NF1: variants seen among roughly 807,000 people sequenced by gnomAD.
NF1 encodes the protein neurofibromin.
In NF1, 122 loss-of-function variants were observed where a neutral mutation model predicts 325.7. The ratio of observed to expected loss-of-function variants is 0.37; its 90% CI spans 0.32 to 0.44. The LOEUF is 0.44. Among genes scored for constraint, NF1 ranks in the 20% least tolerant of loss-of-function variants. The probability of loss-of-function intolerance (pLI) is 1.00; values close to 1 mark genes in which losing one functional copy is unlikely to be tolerated. For synonymous variants in NF1, 1,091 were observed against 1,186.0 expected, an observed-to-expected ratio of 0.92 and a Z score of 1.65; for missense variants, 2,140 against 3,415.4, an observed-to-expected ratio of 0.63 and a Z score of 9.31.
At chr17:31,247,278 A>G (rs1442113375) in intron 29 of NF1, among the ~76,000 whole-genome samples, 1 of 152,054 alleles carries the variant, frequency 6.6e-6, no homozygotes, top group Non-Finnish European at 1.5e-5. Flanking sequence ...AGATGGCCTG[A>G]ATGATGTGAT....
chr17:31,364,712 C>G (rs1050853952), intron 57 of NF1, among the ~76,000 whole-genome samples: 1 of 152,156 alleles, frequency 6.6e-6, no homozygotes, highest in Non-Finnish European at 1.5e-5. Context: ...ATAAAAGTAC[C>G]TAAATGGTTG....
At chr17:31,290,151 C>G (rs141450151) in intron 36 of NF1, among the ~76,000 whole-genome samples, 8 of 152,070 alleles carry the variant, frequency 5.3e-5, no homozygotes, top group Admixed American at 2.6e-4. Context: ...ATATTTTTAT[C>G]AGGCTGGTTG....
rs867091831 is a variant in NF1 at position 31,336,831 on chromosome 17, C to T, written c.6344C>T (p.Pro2115Leu). ...GTTACTTTCTTAGTAGCCACAGGTC[C>T]GCTCTCCCTTAGAGCTTCCACACAT... is the stretch of plus-strand genomic sequence containing the variant. ...HVVTFLVATG[P>L]LSLRASTHGL... The change falls in exon 42 of 58, where the codon CCG becomes CTG. Residue 2115 changes from proline to leucine, a missense_variant. By Grantham distance (98) the Pro-to-Leu change is moderately conservative (BLOSUM62 -3). This residue lies in a region of NF1 where 180 missense variants were observed against 435.1 expected (regional missense o/e 0.41). Transcript: ENST00000358273. This position sits in a 1 kb window ranked among gnomAD's most constrained non-coding sequence, Gnocchi z 5.5. 6.2e-7 allele frequency: 1 copy of T among 1,613,910 alleles called. No individual in the cohort carries two copies. The highest frequency in any genetic ancestry group is 8.5e-7 in the Non-Finnish European group (1 of 1,179,956).
At chr17:31,273,235 T>C (rs1206180782) in intron 36 of NF1, among the ~76,000 whole-genome samples, 4 of 152,332 alleles carry the variant, frequency 2.6e-5, no homozygotes, top group East Asian at 3.9e-4. Flanking sequence ...AATTAGGATA[T>C]TACTTCTAAA....
rs145277574 is a variant in NF1 at position 31,308,371 on chromosome 17, C to G, written c.4836-17449C>G. Among the ~76,000 whole-genome samples the G allele has an allele frequency of 5.9e-4, 90 of 152,170 alleles. 2 individuals are homozygous for G. The East Asian group carries it at 0.017, about 28-fold the overall frequency. On this transcript the variant is annotated intron_variant, in intron 36 of 57. Transcript: ENST00000358273. ...GTCCAGACCGGTCTCGAACTCCTGA[C>G]CTCAAGTGATCTGTCCGCCTCAGCC...
chr17:31,289,078 C>CA (rs2068298541), intron 36 of NF1, among the ~76,000 whole-genome samples: 2 of 151,646 alleles, frequency 1.3e-5, no homozygotes, highest in South Asian at 4.2e-4. Flanking sequence ...TAAAGGTGGT[C>CA]AAAAAAACAA....
chr17:31,245,609 A>G (rs144010198), intron 29 of NF1, among the ~76,000 whole-genome samples: 14 of 152,270 alleles, frequency 9.2e-5, no homozygotes, highest in African/African-American at 3.1e-4. Flanking sequence ...CCTACTTACT[A>G]TAAAGGATAT....
chr17:31,308,802 T>G (rs1248197355), intron 36 of NF1, among the ~76,000 whole-genome samples: 1 of 152,168 alleles, frequency 6.6e-6, no homozygotes, highest in Non-Finnish European at 1.5e-5. Context: ...TCCCCCTAGC[T>G]CTCATTTATT....
At chr17:31,247,252 G>A (rs2067410739) in intron 29 of NF1, among the ~76,000 whole-genome samples, 2 of 150,912 alleles carry the variant, frequency 1.3e-5, no homozygotes, top group Admixed American at 1.3e-4. Flanking sequence ...AGTAGAGCAG[G>A]AAAAAGTGAC....
At chr17:31,338,410 A>G (rs1186862041) in intron 45 of NF1, among the ~76,000 whole-genome samples, 2 of 152,164 alleles carry the variant, frequency 1.3e-5, no homozygotes, top group African/African-American at 4.8e-5. Context: ...AAGCAGGTAC[A>G]CTTAGTATTT....
chr17:31,109,772 A>G lies in NF1; in HGVS notation c.60+14403A>G, dbSNP rs147383739. On this transcript the variant is annotated intron_variant, in intron 1 of 57. Transcript: ENST00000358273. ...TGACCTATTGGTGCTGGAATCATGG[A>G]CTCTAGTGATTCTTGTTCTTCTTTC... 1.3e-3 allele frequency among the ~76,000 whole-genome samples: 201 copies of G among 151,878 alleles called. 2 individuals carry two copies. In the East Asian group the frequency reaches 0.034, roughly 26 times the overall value.
chr17:31,137,107 T>A (rs1372644484), intron 1 of NF1: 7 of 152,180 alleles, frequency 4.6e-5, no homozygotes, highest in African/African-American at 1.7e-4. Context: ...TCTCCAGTTG[T>A]TTTTTTAGGT....
At chr17:31,257,350 C>CA (rs1206417236) in intron 31 of NF1, among the ~76,000 whole-genome samples, 5 of 152,104 alleles carry the variant, frequency 3.3e-5, no homozygotes, top group African/African-American at 1.2e-4. Context: ...TAAAATGTTA[C>CA]ATTAAGTGTT....
chr17:31,280,596 G>A (rs1332382179), intron 36 of NF1, among the ~76,000 whole-genome samples: 1 of 151,736 alleles, frequency 6.6e-6, no homozygotes, highest in Non-Finnish European at 1.5e-5. Context: ...AGCAGGCTGT[G>A]GGAAGGATAT....
intron 8 of NF1, among the ~76,000 whole-genome samples, chr17:31,200,138 G>GA (rs1182170897): frequency 0.012 from 1,491 of 124,956 alleles, 23 homozygotes; most frequent in African/African-American, 0.036. Context: ...ACCATCTTGG[G>GA]AAAAAAAAAA....
At chr17:31,298,869 A>C (rs532126855) in intron 36 of NF1, among the ~76,000 whole-genome samples, 36 of 152,244 alleles carry the variant, frequency 2.4e-4, no homozygotes, top group African/African-American at 8.4e-4. Context: ...CCGACCACTT[A>C]AATCTCTTAA....
chr17:31,235,708 A>G lies in NF1; in HGVS notation c.3806A>G (p.Asp1269Gly), dbSNP rs2151437934. Residue 1269 changes from aspartate to glycine, a missense_variant, in exon 28 of 58, where the codon GAC (aspartate) becomes GGC (glycine). By Grantham distance (94) the Asp-to-Gly change is moderately conservative (BLOSUM62 -1). This residue lies in a region of NF1 where 336 missense variants were observed against 399.0 expected (regional missense o/e 0.84). Coordinates refer to ENST00000358273, the MANE Select transcript of NF1 (RefSeq NM_001042492.3). The stretch of plus-strand genomic sequence containing the variant: ...TTTTCTAAAGAAGTAGAATTGGCAG[A>G]CTCCATGCAGACTCTCTTCCGAGGC... Reference protein sequence around the residue: ...NMFSKEVELADSMQTLFRGNS... With the variant: ...NMFSKEVELAGSMQTLFRGNS... 6.2e-7 allele frequency: 1 copy of G among 1,613,876 alleles called. No individual in the cohort carries two copies. The highest frequency in any genetic ancestry group is 8.5e-7 in the Non-Finnish European group (1 of 1,179,952).
chr17:31,219,026 G>A lies in NF1; in HGVS notation c.1549G>A (p.Glu517Lys), dbSNP rs587778548. Reference sequence around the variant, plus strand: ...GCAGAATCCAAGAAAACAGGGGCCCGAAACCCAAGGCAGTACAGCAGAATT... The same window carrying A: ...GCAGAATCCAAGAAAACAGGGGCCCAAAACCCAAGGCAGTACAGCAGAATT... ...LLCNPRKQGP[E>K]TQGSTAELIT... Residue 517 changes from glutamate to lysine, a missense_variant, in exon 14 of 58, where the codon GAA (glutamate) becomes AAA (lysine). Physicochemically the swap from Glu to Lys is moderately conservative, Grantham distance 56 (BLOSUM62 1). Transcript: ENST00000358273. 9 of 1,613,116 alleles carry A rather than the reference G, an allele frequency of 5.6e-6. No homozygotes were observed. Among genetic ancestry groups the A allele is most frequent in the South Asian group, 1.1e-5 (1 of 90,960 alleles).
chr17:31,367,909 A>G (rs2070560297), intron 57 of NF1, among the ~76,000 whole-genome samples: 1 of 151,810 alleles, frequency 6.6e-6, no homozygotes, highest in South Asian at 2.1e-4. Flanking sequence ...AGATCGCACC[A>G]CCGCACTCCA....
Sources: gnomAD v4.1 joint callset for allele counts (sites outside exome capture counted in the v4.1 genomes callset) on GRCh38, gnomAD v4.1.1 for gene constraint, gnomAD v4.1.1 regional missense constraint, Gnocchi (gnomAD v3.1) non-coding constraint, MANE v1.5 for transcripts, NCBI Gene and HGNC (gene_info 2026-07-23, HGNC 2026-07-21) for gene names.